Variants in TMEM245 observed in about 807,000 individuals in gnomAD.
TMEM245 encodes protein CG-2.
In TMEM245, 69 loss-of-function variants were observed where a neutral mutation model predicts 101.2. The ratio of observed to expected loss-of-function variants is 0.68; its 90% CI spans 0.56 to 0.83. The LOEUF (loss-of-function observed/expected upper bound fraction) is 0.83, where lower values mean the gene tolerates loss of function less well. Ranked by LOEUF, TMEM245 falls within the 40% of genes least tolerant of loss-of-function variation. The pLI, the probability that TMEM245 is intolerant of heterozygous loss-of-function variation, is 0.00. For synonymous variants in TMEM245, 537 were observed against 449.8 expected, an observed-to-expected ratio of 1.19 and a Z score of -2.45; for missense variants, 1,075 against 1,092.8, an observed-to-expected ratio of 0.98 and a Z score of 0.23.
At chr9:109,107,725 A>C (rs1830465171) in intron 2 of TMEM245, among the ~76,000 whole-genome samples, 1 of 152,180 alleles carries the variant, frequency 6.6e-6, no homozygotes, top group Non-Finnish European at 1.5e-5. Context: ...GGGTTACTGA[A>C]TTGTGTTGTT....
chr9:109,020,147 T>TAA lies in TMEM245; in HGVS notation c.*311_*312dup, dbSNP rs1827575214. On this transcript the variant is annotated 3_prime_UTR_variant, in exon 18 of 18. Transcript: ENST00000374586. ...ATAACTTTATAAATATATAATATAG[T>TAA]AACATAGATAACCAAAGTGGAAAAA... 3.6e-6 allele frequency: 1 copy of TAA among 274,418 alleles called. No individual in the cohort carries two copies. Among genetic ancestry groups the TAA allele is most frequent in the African/African-American group, 2.2e-5 (1 of 45,260 alleles). The allele number at this position is 274,418 out of a possible 1,614,324, so 17.0% of individuals were successfully genotyped here.
intron 3 of TMEM245, among the ~76,000 whole-genome samples, chr9:109,104,186 G>A (rs1053633926): frequency 6.6e-6 from 1 of 152,104 alleles, no homozygotes; most frequent in African/African-American, 2.4e-5. Flanking sequence ...AAATAACTAA[G>A]AGTATAATTG....
chr9:109,119,886 CG>C lies in TMEM245; in HGVS notation c.27del (p.Asp9GlufsTer93). 3 of 1,300,068 alleles carry C rather than the reference CG, an allele frequency of 2.3e-6. No homozygotes were observed. In the South Asian group the frequency reaches 7.7e-5, roughly 33 times the overall value. 80.5% of individuals were successfully genotyped at this position (1,300,068 alleles called of 1,614,324 possible). On this transcript the variant is annotated frameshift_variant, in exon 1 of 18. Coordinates refer to ENST00000374586, the MANE Select transcript of TMEM245 (RefSeq NM_032012.4). LOFTEE classifies it high-confidence loss of function. MADGGGPKDAPSLRSSPGP... is the reference protein window; with the variant it reads MADGGGPKXAPSLRSSPGP... ...CCGGGAGAGCTCCGCAGGCTTGGCG[CG>C]TCCTTAGGGCCGCCGCCGTCGGCCA...
rs1031900822 is a variant in TMEM245 at position 109,019,320 on chromosome 9, G to C, written c.*1140C>G. ...GAGGCCAAATCCTACTACACTTTAC[G>C]ACTTTGAGTTGGTCACTTTTCTGAA... On this transcript the variant is annotated 3_prime_UTR_variant, in exon 18 of 18. Transcript: ENST00000374586. 1 of 152,056 alleles carries C rather than the reference G, an allele frequency of 6.6e-6. No homozygotes were observed. The highest frequency in any genetic ancestry group is 1.5e-5 in the Non-Finnish European group (1 of 68,030). 9.4% of individuals were successfully genotyped at this position (152,056 alleles called of 1,614,324 possible).
At chr9:109,057,107 G>C (rs1445345105) in intron 12 of TMEM245, 84 bp downstream of exon 12, 1 of 1,424,434 alleles carries the variant, frequency 7.0e-7, no homozygotes, top group African/African-American at 1.4e-5. Context: ...GGATAGATGA[G>C]GCCTCAAAGT....
At chr9:109,115,602 C>T (rs1830703013) in intron 1 of TMEM245, among the ~76,000 whole-genome samples, 1 of 138,068 alleles carries the variant, frequency 7.2e-6, no homozygotes, top group Non-Finnish European at 1.5e-5. Flanking sequence ...GCGACCTGGG[C>T]TCATTACAAC....
chr9:109,035,341 C>G (rs1828087832), intron 16 of TMEM245, among the ~76,000 whole-genome samples: 1 of 152,014 alleles, frequency 6.6e-6, no homozygotes, highest in Non-Finnish European at 1.5e-5. Context: ...TTTTAATTTT[C>G]TCTCTCAAGT....
intron 8 of TMEM245, among the ~76,000 whole-genome samples, chr9:109,074,124 T>C (rs988560135): frequency 1.3e-5 from 2 of 152,110 alleles, no homozygotes; most frequent in African/African-American, 2.4e-5. Flanking sequence ...CCTCCCAAAG[T>C]GCTAGGATTA....
At position 109,020,601 on chromosome 9, in the gene TMEM245, T is replaced by C. The variant is rs59762742; in HGVS notation, c.2595-96A>G. ...AGCCCTAATGAGATTATATAGTCACTATTTTTTCTTAAGATTTTCATTGAG... is the reference window on the plus strand; with the variant it reads ...AGCCCTAATGAGATTATATAGTCACCATTTTTTCTTAAGATTTTCATTGAG... On this transcript the variant is annotated intron_variant, in intron 17 of 17. Coordinates refer to ENST00000374586, the MANE Select transcript of TMEM245 (RefSeq NM_032012.4). 5,444 of 1,081,652 alleles carry C rather than the reference T, an allele frequency of 5.0e-3. 207 individuals carry two copies. The African/African-American group carries it at 0.079, about 16-fold the overall frequency. The allele number at this position is 1,081,652 out of a possible 1,614,324, so 67.0% of individuals were successfully genotyped here.
chr9:109,037,363 A>G (rs1371992538), intron 15 of TMEM245, among the ~76,000 whole-genome samples: 1 of 152,204 alleles, frequency 6.6e-6, no homozygotes, highest in Non-Finnish European at 1.5e-5. Flanking sequence ...GTGCTAGAAC[A>G]TTCATTCATT....
intron 8 of TMEM245, among the ~76,000 whole-genome samples, chr9:109,073,748 T>C (rs937307179): frequency 3.9e-5 from 6 of 152,144 alleles, no homozygotes; most frequent in African/African-American, 1.4e-4. Flanking sequence ...ATATATCGTA[T>C]AAATGTGTTT....
chr9:109,026,364 G>T (rs569483444), intron 17 of TMEM245, among the ~76,000 whole-genome samples: 1 of 152,258 alleles, frequency 6.6e-6, no homozygotes, highest in South Asian at 2.1e-4. Context: ...AATCTTGGGG[G>T]TAGGAAACGC....
chr9:109,090,598 C>A (rs1367294288), intron 5 of TMEM245, among the ~76,000 whole-genome samples: 1 of 151,618 alleles, frequency 6.6e-6, no homozygotes, highest in East Asian at 1.9e-4. Flanking sequence ...GTGGTGGGCA[C>A]CTATAGTCCC....
intron 17 of TMEM245, among the ~76,000 whole-genome samples, chr9:109,032,830 A>G (rs1375330786): frequency 9.1e-5 from 6 of 65,686 alleles, no homozygotes; most frequent in Non-Finnish European, 1.9e-4. Flanking sequence ...TTTTTTTTAT[A>G]TGCTGTTGCC....
At chr9:109,045,898 T>C (rs1828475510) in intron 14 of TMEM245, among the ~76,000 whole-genome samples, 1 of 152,204 alleles carries the variant, frequency 6.6e-6, no homozygotes, top group Non-Finnish European at 1.5e-5. Flanking sequence ...TAAATGAAAA[T>C]ACATTTTCTT....
intron 14 of TMEM245, among the ~76,000 whole-genome samples, chr9:109,047,103 T>A (rs977605632): frequency 3.6e-4 from 55 of 152,322 alleles, no homozygotes; most frequent in Non-Finnish European, 1.9e-4. Context: ...CTTTAGTCTG[T>A]ACCATATTTA....
intron 10 of TMEM245, among the ~76,000 whole-genome samples, chr9:109,061,711 G>C (rs1237833186): frequency 1.3e-5 from 2 of 151,990 alleles, no homozygotes; most frequent in Non-Finnish European, 2.9e-5. Flanking sequence ...TGGGATTACA[G>C]GTGTGCGCCC....
rs182119576 is a variant in TMEM245, at chr9:109,053,703, T to C, written c.1855-3011A>G. On this transcript the variant is annotated intron_variant, in intron 12 of 17. Coordinates refer to ENST00000374586, the MANE Select transcript of TMEM245 (RefSeq NM_032012.4). ...GTCCACCACTCACCAAACAACCTTT[T>C]GATTATTAACTTCGTTTCCCAGTAC... 5.9e-5 allele frequency among the ~76,000 whole-genome samples: 9 copies of C among 152,312 alleles called. No homozygotes were observed. The East Asian group carries it at 1.4e-3, about 23-fold the overall frequency.
chr9:109,057,139 A>G, intron 12 of TMEM245, 52 bp downstream of exon 12: 3 of 1,585,632 alleles, frequency 1.9e-6, no homozygotes, highest in Admixed American at 3.5e-5. Context: ...ACTTGGAATT[A>G]CAGTTTGTTT....
Sources: allele counts gnomAD v4.1 joint callset (sites outside exome capture counted in the v4.1 genomes callset), GRCh38; gene constraint gnomAD v4.1.1; transcripts MANE v1.5; gene names NCBI Gene and HGNC (gene_info 2026-07-23, HGNC 2026-07-21).